HS6ST2: variants seen among roughly 807,000 people sequenced by gnomAD.
HS6ST2 encodes heparan-sulfate 6-O-sulfotransferase 2.
Under a neutral mutation model 33.0 loss-of-function variants are expected in HS6ST2, and 17 were observed. That is an observed-to-expected ratio of 0.52 (90% confidence interval 0.35 to 0.77). The LOEUF (loss-of-function observed/expected upper bound fraction) is 0.77. HS6ST2 is among the 30% of genes least tolerant of loss of function. The pLI is 0.01. For missense variants in HS6ST2, 519 were observed against 551.7 expected, an observed-to-expected ratio of 0.94 and a Z score of 0.59; for synonymous variants, 248 against 237.1, an observed-to-expected ratio of 1.05 and a Z score of -0.42.
chrX:132,718,231 G>A, intron 2 of HS6ST2, among the ~76,000 whole-genome samples: 1 of 111,308 alleles, frequency 9.0e-6, no homozygotes, highest in Middle Eastern at 4.3e-3. Context: ...AAGTGGTAGA[G>A]TCTGGATTCA....
chrX:132,848,710 T>G (rs1162125406), intron 2 of HS6ST2, among the ~76,000 whole-genome samples: 1 of 112,018 alleles, frequency 8.9e-6, no homozygotes, highest in Non-Finnish European at 1.9e-5. Flanking sequence ...TTACTGAAAC[T>G]TGTTACTGAA....
intron 2 of HS6ST2, among the ~76,000 whole-genome samples, chrX:132,895,992 TGTTA>T (rs2066371651): frequency 9.0e-6 from 1 of 111,194 alleles, no homozygotes; most frequent in Non-Finnish European, 1.9e-5. Context: ...AAAGACTTTA[TGTTA>T]AGTGAATTAA....
intron 2 of HS6ST2, among the ~76,000 whole-genome samples, chrX:132,918,521 G>A (rs2066618057): frequency 8.9e-6 from 1 of 111,770 alleles, no homozygotes; most frequent in Non-Finnish European, 1.9e-5. Context: ...TTTTTAAACT[G>A]GACACTAGCA....
Position 132,956,918 on chromosome X carries a change from G to A in HS6ST2, c.837C>T (p.Ser279=). 8.3e-7 allele frequency: 1 copy of A among 1,201,199 alleles called. No homozygotes were observed. Among genetic ancestry groups the A allele is most frequent in the Non-Finnish European group, 1.1e-6 (1 of 890,102 alleles). The change falls in exon 2 of 5, where the codon TCC becomes TCT. Residue 279 remains serine (S), a synonymous_variant. Coordinates refer to ENST00000370833, the MANE Select transcript of HS6ST2 (RefSeq NM_001394073.1). ...RPGKRETWLF[S]RFSTGWSCGL... ...CGCAGCTCCAGCCCGTGGAGAACCT[G>A]GAGAAGAGCCAGGTTTCCCGCTTAC...
chrX:132,694,980 G>C (rs2064091893), intron 3 of HS6ST2, among the ~76,000 whole-genome samples: 1 of 111,114 alleles, frequency 9.0e-6, no homozygotes, highest in African/African-American at 3.3e-5. Flanking sequence ...TGAAGTTTGA[G>C]ATCCCAACTA....
At chrX:132,765,036 G>A (rs2064833092) in intron 2 of HS6ST2, among the ~76,000 whole-genome samples, 1 of 112,213 alleles carries the variant, frequency 8.9e-6, no homozygotes, top group African/African-American at 3.2e-5. Context: ...AATATAGCAA[G>A]TGTGGTTTTA....
At chrX:132,867,161 C>A (rs1442801006) in intron 2 of HS6ST2, among the ~76,000 whole-genome samples, 23 of 105,163 alleles carry the variant, frequency 2.2e-4, no homozygotes, top group African/African-American at 7.4e-4. Context: ...CCCATCAATA[C>A]CTAATTTATT....
intron 2 of HS6ST2, among the ~76,000 whole-genome samples, chrX:132,927,692 C>T (rs1023363544): frequency 1.8e-5 from 2 of 110,238 alleles, no homozygotes; most frequent in African/African-American, 6.6e-5. Context: ...GGCAAAACCC[C>T]GTGTCTACCA....
At chrX:132,668,224 G>A (rs984890487) in intron 4 of HS6ST2, 1 of 111,578 alleles carries the variant, frequency 9.0e-6, no homozygotes, top group African/African-American at 3.3e-5. Flanking sequence ...ATATCTTATT[G>A]CTAGATTAGA....
intron 2 of HS6ST2, among the ~76,000 whole-genome samples, chrX:132,919,636 G>C (rs1446434131): frequency 1.8e-5 from 2 of 112,047 alleles, no homozygotes; most frequent in African/African-American, 6.5e-5. Context: ...TCTTGCATTA[G>C]TGAATTCCTT....
At chrX:132,637,887 ATAT>A (rs1569475988) in intron 4 of HS6ST2, among the ~76,000 whole-genome samples, 2 of 56,267 alleles carry the variant, frequency 3.6e-5, no homozygotes, top group Non-Finnish European at 5.4e-5. Flanking sequence ...TATATATATA[ATAT>A]TTTATATATA....
At chrX:132,946,407 G>T (rs2066956853) in intron 2 of HS6ST2, among the ~76,000 whole-genome samples, 1 of 112,045 alleles carries the variant, frequency 8.9e-6, no homozygotes, top group East Asian at 2.8e-4. Context: ...AGAAAATTTG[G>T]CACATATATG....
At chrX:132,929,745 T>C (rs1347459179) in intron 2 of HS6ST2, among the ~76,000 whole-genome samples, 4 of 110,732 alleles carry the variant, frequency 3.6e-5, no homozygotes, top group Non-Finnish European at 7.6e-5. Flanking sequence ...AAAGGAGAAA[T>C]AGACAAATCC....
chrX:132,724,662 A>C (rs1000115174), intron 2 of HS6ST2, among the ~76,000 whole-genome samples: 14 of 111,841 alleles, frequency 1.3e-4, no homozygotes, highest in Non-Finnish European at 1.9e-4. Context: ...TCATCCTAAA[A>C]TTTCTACGGA....
At chrX:132,946,379 CATT>C (rs1459046663) in intron 2 of HS6ST2, among the ~76,000 whole-genome samples, 1 of 112,103 alleles carries the variant, frequency 8.9e-6, no homozygotes, top group African/African-American at 3.2e-5. Flanking sequence ...AAATGTCCAT[CATT>C]GATAGACTGG....
chrX:132,712,370 T>G (rs1401501041), intron 2 of HS6ST2, among the ~76,000 whole-genome samples: 1 of 111,983 alleles, frequency 8.9e-6, no homozygotes, highest in African/African-American at 3.3e-5. Context: ...TAGCAAAAAA[T>G]GCCTTATGTT....
intron 4 of HS6ST2, among the ~76,000 whole-genome samples, chrX:132,663,819 G>C (rs1304846111): frequency 9.0e-6 from 1 of 111,466 alleles, no homozygotes; most frequent in East Asian, 2.8e-4. Context: ...AATTAGTGGG[G>C]GTTAGCAACA....
chrX:132,833,816 T>C (rs1223383099), intron 2 of HS6ST2, among the ~76,000 whole-genome samples: 9 of 109,184 alleles, frequency 8.2e-5, no homozygotes, highest in Admixed American at 6.9e-4. Context: ...ATGTGCACAA[T>C]GTGCAGGTTA....
intron 2 of HS6ST2, among the ~76,000 whole-genome samples, chrX:132,841,337 CAAAT>C (rs1351718992): frequency 9.0e-6 from 1 of 111,381 alleles, no homozygotes; most frequent in East Asian, 2.8e-4. Flanking sequence ...ATATACTCCA[CAAAT>C]ACTCTTCTAG....
Sources: gnomAD v4.1 joint callset for allele counts (sites outside exome capture counted in the v4.1 genomes callset) on GRCh38, gnomAD v4.1.1 for gene constraint, MANE v1.5 for transcripts, NCBI Gene and HGNC (gene_info 2026-07-23, HGNC 2026-07-21) for gene names.